PPP1R12A: variants seen among roughly 807,000 people sequenced by gnomAD.
PPP1R12A encodes the protein myosin binding subunit.
A neutral mutation model predicts 139.6 loss-of-function variants in PPP1R12A; 19 were observed. The ratio of observed to expected loss-of-function variants is 0.14; its 90% CI spans 0.09 to 0.20. PPP1R12A has a LOEUF of 0.20. Among genes scored for constraint, PPP1R12A ranks in the 10% least tolerant of loss-of-function variants. The pLI is 1.00. For synonymous variants in PPP1R12A, 427 were observed against 420.6 expected (o/e 1.02, Z -0.19); for missense variants, 925 against 1,211.5 (o/e 0.76, Z 3.51).
At chr12:79,869,399 A>G (rs1022229293) in intron 2 of PPP1R12A, among the ~76,000 whole-genome samples, 10 of 152,198 alleles carry the variant, frequency 6.6e-5, no homozygotes, top group Admixed American at 1.3e-4. Context: ...GCACATATCA[A>G]TAGGGATGAA....
chr12:79,811,348 A>T (rs1418927644), intron 9 of PPP1R12A, among the ~76,000 whole-genome samples: 5 of 152,348 alleles, frequency 3.3e-5, no homozygotes, highest in Non-Finnish European at 5.9e-5. Flanking sequence ...AATGTGCACC[A>T]AAGTGCTCCA....
Position 79,796,873 on chromosome 12 carries a change from T to C in PPP1R12A, c.2370A>G (p.Ser790=). 2 of 1,611,514 alleles carry C rather than the reference T, an allele frequency of 1.2e-6. No individual in the cohort carries two copies. The highest frequency in any genetic ancestry group is 8.5e-7 in the Non-Finnish European group (1 of 1,177,810). Residue 790 remains serine, a synonymous_variant, in exon 17 of 25, where the codon TCA becomes TCG. Coordinates refer to ENST00000450142, the MANE Select transcript of PPP1R12A (RefSeq NM_002480.3). ...TGTTTAGTTGACTTGAAGCATACAG[T>C]GAACTGCTCATAGTAGAAAGTGAAG... ...PSSSLSTMSS[S]LYASSQLNRP...
At chr12:79,788,359 G>C (rs1358748623) in intron 21 of PPP1R12A, 13 of 215,272 alleles carry the variant, frequency 6.0e-5, no homozygotes, top group Non-Finnish European at 1.2e-4. Context: ...CTAGTAACAA[G>C]AAACAAAGTG....
At chr12:79,849,970 C>A (rs2137233984) in intron 2 of PPP1R12A, among the ~76,000 whole-genome samples, 1 of 151,936 alleles carries the variant, frequency 6.6e-6, no homozygotes, top group Non-Finnish European at 1.5e-5. Context: ...AATACAAGAA[C>A]ATACTACAAC....
chr12:79,925,547 C>T (rs190407900), intron 1 of PPP1R12A, among the ~76,000 whole-genome samples: 22 of 152,282 alleles, frequency 1.4e-4, no homozygotes, highest in Admixed American at 1.3e-3. Context: ...ACTTAATATA[C>T]ATAACATTTA....
At chr12:79,879,049 TTC>T (rs1353498605) in intron 1 of PPP1R12A, among the ~76,000 whole-genome samples, 2 of 152,178 alleles carry the variant, frequency 1.3e-5, no homozygotes, top group African/African-American at 2.4e-5. Flanking sequence ...ATTCAAGAAG[TTC>T]TTTCTTACAT....
chr12:79,880,538 A>G (rs1467788089), intron 1 of PPP1R12A, among the ~76,000 whole-genome samples: 1 of 152,202 alleles, frequency 6.6e-6, no homozygotes, highest in Admixed American at 6.5e-5. Flanking sequence ...GACGAACAGA[A>G]TCTGCTATGT....
intron 1 of PPP1R12A, among the ~76,000 whole-genome samples, chr12:79,890,132 C>A (rs1390946508): frequency 6.6e-6 from 1 of 151,936 alleles, no homozygotes; most frequent in East Asian, 1.9e-4. Flanking sequence ...ACTTGAAAAA[C>A]CAAAGAAAAT....
intron 1 of PPP1R12A, among the ~76,000 whole-genome samples, chr12:79,928,199 A>G (rs1887989838): frequency 6.6e-6 from 1 of 152,266 alleles, no homozygotes; most frequent in Admixed American, 6.5e-5. Flanking sequence ...ACCTGGCTAT[A>G]GAAAATGCTC....
At chr12:79,925,152 A>T (rs1337374089) in intron 1 of PPP1R12A, among the ~76,000 whole-genome samples, 1 of 152,238 alleles carries the variant, frequency 6.6e-6, no homozygotes, top group Non-Finnish European at 1.5e-5. Context: ...CCATGCAAGA[A>T]TATAAATATT....
At chr12:79,925,091 T>TA (rs925915830) in intron 1 of PPP1R12A, among the ~76,000 whole-genome samples, 2 of 152,120 alleles carry the variant, frequency 1.3e-5, no homozygotes, top group African/African-American at 2.4e-5. Context: ...GAGGATATTT[T>TA]AAAAAAATGT....
At chr12:79,816,795 TAGTA>T (rs1875447655) in intron 9 of PPP1R12A, among the ~76,000 whole-genome samples, 3 of 152,200 alleles carry the variant, frequency 2.0e-5, no homozygotes, top group Admixed American at 6.5e-5. Context: ...AAAAGGAAGA[TAGTA>T]AGTAACTTGC....
At chr12:79,790,667 T>C (rs1447596185) in intron 19 of PPP1R12A, among the ~76,000 whole-genome samples, 184 bp from the exon 20 acceptor site, 1 of 152,170 alleles carries the variant, frequency 6.6e-6, no homozygotes. Context: ...AATCTAGCTA[T>C]ATACCTTTAA....
In PPP1R12A at chr12:79,901,090, G is replaced by A. The variant is rs1052537607; in HGVS notation, c.238-28152C>T. ...TAAGTAAATAAACAATTACAGAACC[G>A]TTACAGAAATATGAAAGAATGTAAG... is the stretch of plus-strand genomic sequence containing the variant. On this transcript the variant is annotated intron_variant, in intron 1 of 24. Transcript: ENST00000450142. Among the ~76,000 whole-genome samples, 6 of 152,214 alleles carry A rather than the reference G, an allele frequency of 3.9e-5. 1 individual carries two copies. The highest frequency in any genetic ancestry group is 4.1e-4 in the South Asian group (2 of 4,826).
intron 2 of PPP1R12A, among the ~76,000 whole-genome samples, chr12:79,846,702 T>C (rs943426066): frequency 6.6e-6 from 1 of 151,914 alleles, no homozygotes; most frequent in Admixed American, 6.6e-5. Context: ...GTGCTGGGAT[T>C]ACAGGAGTGA....
rs1565749731 is a variant in PPP1R12A, at chr12:79,806,327, G to C, written c.1662C>G (p.Ser554=). Residue 554 remains serine (S), a synonymous_variant, in exon 13 of 25, where the codon TCC becomes TCG. Coordinates refer to ENST00000450142, the MANE Select transcript of PPP1R12A (RefSeq NM_002480.3). ...NEGSTYHKSC[S]FGRRQDDLIS... ...TCAAATCATCTTGTCTTCTACCAAAGGAGCAACTAAACAAAAGAGTCATAT... is the reference window on the plus strand; with the variant it reads ...TCAAATCATCTTGTCTTCTACCAAACGAGCAACTAAACAAAAGAGTCATAT... 6.2e-7 allele frequency: 1 copy of C among 1,613,156 alleles called. No homozygotes were observed. The highest frequency in any genetic ancestry group is 1.1e-5 in the South Asian group (1 of 91,034).
At chr12:79,911,171 C>G (rs865955375) in intron 1 of PPP1R12A, among the ~76,000 whole-genome samples, 3 of 152,170 alleles carry the variant, frequency 2.0e-5, no homozygotes, top group Non-Finnish European at 4.4e-5. Flanking sequence ...TTTACACTTT[C>G]AGGCTTGCTA....
intron 3 of PPP1R12A, among the ~76,000 whole-genome samples, chr12:79,835,924 T>C (rs1293672647): frequency 6.6e-6 from 1 of 152,164 alleles, no homozygotes; most frequent in Non-Finnish European, 1.5e-5. Flanking sequence ...ACATTACCAT[T>C]TTTTCCAAGA....
intron 2 of PPP1R12A, among the ~76,000 whole-genome samples, chr12:79,856,436 T>C (rs990778747): frequency 3.9e-5 from 6 of 152,258 alleles, no homozygotes; most frequent in African/African-American, 1.4e-4. Flanking sequence ...TATTTAATCA[T>C]ACAAGACATA....
Sources: allele counts gnomAD v4.1 joint callset (sites outside exome capture counted in the v4.1 genomes callset), GRCh38; gene constraint gnomAD v4.1.1; transcripts MANE v1.5; gene names NCBI Gene and HGNC (gene_info 2026-07-23, HGNC 2026-07-21).